CFAP58: variants seen among roughly 807,000 people sequenced by gnomAD.
The protein encoded by CFAP58 is cilia and flagella associated protein 58.
Under a neutral mutation model 119.5 loss-of-function variants are expected in CFAP58, and 88 were observed. The observed-to-expected ratio is 0.74, with a 90% CI of 0.62 to 0.88. CFAP58 has a LOEUF of 0.88. Ranked by LOEUF, CFAP58 falls within the 40% of genes least tolerant of loss-of-function variation. The probability of loss-of-function intolerance (pLI) is 0.00; values close to 1 mark genes in which losing one functional copy is unlikely to be tolerated. For missense variants in CFAP58, 990 were observed against 1,021.2 expected, an observed-to-expected ratio of 0.97 and a Z score of 0.42; for synonymous variants, 365 against 366.3, an observed-to-expected ratio of 1.00 and a Z score of 0.04.
At chr10:104,392,457 C>T (rs1329892377) in intron 10 of CFAP58, 63 bp downstream of exon 10, 4 of 1,207,708 alleles carry the variant, frequency 3.3e-6, no homozygotes, top group Non-Finnish European at 4.6e-6. Flanking sequence ...AAAACAGTTT[C>T]TGTTATCCTA....
At chr10:104,453,536 C>T (rs887842402) in intron 17 of CFAP58, among the ~76,000 whole-genome samples, 2 of 152,222 alleles carry the variant, frequency 1.3e-5, no homozygotes, top group African/African-American at 2.4e-5. Flanking sequence ...CCCTACTCCA[C>T]ATCCCCAGGC....
intron 9 of CFAP58, among the ~76,000 whole-genome samples, chr10:104,385,855 G>A (rs2133021354): frequency 6.6e-6 from 1 of 152,282 alleles, no homozygotes; most frequent in East Asian, 1.9e-4. Context: ...ACTTGCCCTA[G>A]AGGAAAGCCC....
In CFAP58 at chr10:104,426,332, C is replaced by T. The variant is rs142243809; in HGVS notation, c.2256+19539C>T. ...AGGAGAGTCAAAGGTGGCTTTCGGT[C>T]TTTCCTCCTGGTCAGTGATAACTCC... On this transcript the variant is annotated intron_variant, in intron 15 of 17. Coordinates refer to ENST00000369704, the MANE Select transcript of CFAP58 (RefSeq NM_001008723.2). Among the ~76,000 whole-genome samples, 687 of 152,260 alleles carry T rather than the reference C, an allele frequency of 4.5e-3. 1 individual carries two copies. The highest frequency in any genetic ancestry group is 0.037 in the Middle Eastern group (11 of 294).
At chr10:104,349,348 G>T (rs181325500), upstream of CFAP58, among the ~76,000 whole-genome samples, 2,305 of 152,122 alleles carry the variant, frequency 0.015, 35 homozygotes, top group Non-Finnish European at 0.021. Context: ...CAAAGTGTCA[G>T]CAGGTTTGAA....
chr10:104,342,215 T>C, the CFAP58 span, among the ~76,000 whole-genome samples: 1 of 152,232 alleles, frequency 6.6e-6, no homozygotes. Flanking sequence ...TTGAACTATT[T>C]CCCATAGTAT....
intron 11 of CFAP58, among the ~76,000 whole-genome samples, chr10:104,396,567 T>C (rs1158159575): frequency 6.6e-6 from 1 of 152,224 alleles, no homozygotes; most frequent in African/African-American, 2.4e-5. Flanking sequence ...CGTGTTGAGA[T>C]CATGTATGAA....
intron 3 of CFAP58, among the ~76,000 whole-genome samples, chr10:104,364,426 A>C (rs1564879313): frequency 1.1e-5 from 1 of 88,832 alleles, no homozygotes; most frequent in Non-Finnish European, 2.3e-5. Flanking sequence ...AATGTCTGTA[A>C]AACACACACA....
chr10:104,414,098 G>A (rs1186730107), intron 15 of CFAP58, among the ~76,000 whole-genome samples: 2 of 152,156 alleles, frequency 1.3e-5, no homozygotes, highest in African/African-American at 4.8e-5. Context: ...CACGTGGTGG[G>A]CTATGGGCCC....
At chr10:104,413,153 T>A (rs1337845447) in intron 15 of CFAP58, among the ~76,000 whole-genome samples, 1 of 152,254 alleles carries the variant, frequency 6.6e-6, no homozygotes, top group Non-Finnish European at 1.5e-5. Flanking sequence ...AGATTTGTGG[T>A]CCTTCAGAAA....
chr10:104,374,342 A>C (rs760928341), intron 7 of CFAP58, among the ~76,000 whole-genome samples: 1 of 151,128 alleles, frequency 6.6e-6, no homozygotes, highest in Non-Finnish European at 1.5e-5. Flanking sequence ...GGGCATGGTG[A>C]CACACGCCTG....
intron 1 of CFAP58, among the ~76,000 whole-genome samples, chr10:104,357,354 T>A (rs2135241409): frequency 6.6e-6 from 1 of 152,340 alleles, no homozygotes; most frequent in Middle Eastern, 3.4e-3. Flanking sequence ...TGACCTAGCC[T>A]ACATTTCTAA....
At chr10:104,451,687 C>G (rs1352323216) in intron 17 of CFAP58, among the ~76,000 whole-genome samples, 1 of 152,196 alleles carries the variant, frequency 6.6e-6, no homozygotes, top group Non-Finnish European at 1.5e-5. Context: ...CCACATGAAG[C>G]AGGTGTCTAA....
In CFAP58 at chr10:104,406,787, C is replaced by T. The variant is rs948226123; in HGVS notation, c.2250C>T (p.Leu750=). The T allele has an allele frequency of 6.2e-7, 1 of 1,613,808 alleles. No individual in the cohort carries two copies. The highest frequency in any genetic ancestry group is 8.5e-7 in the Non-Finnish European group (1 of 1,179,674). ...KTEEVVEKEL[L]LQEKEKLYME... is the part of the protein sequence containing the mutation. The stretch of plus-strand genomic sequence containing the variant: ...AAGAGGTGGTTGAAAAAGAGCTGCT[C>T]CTCCAGGTAGCATTTTTGTTTTCTG... Residue 750 remains leucine, a synonymous_variant, in exon 15 of 18, where the codon CTC becomes CTT. Coordinates refer to ENST00000369704, the MANE Select transcript of CFAP58 (RefSeq NM_001008723.2).
intron 15 of CFAP58, among the ~76,000 whole-genome samples, chr10:104,427,844 G>A (rs2012774716): frequency 6.6e-6 from 1 of 152,140 alleles, no homozygotes; most frequent in Admixed American, 6.5e-5. Flanking sequence ...TATGGAGGTG[G>A]GGTGTGAAGA....
At chr10:104,346,937 A>T in the CFAP58 span, among the ~76,000 whole-genome samples, 1 of 151,830 alleles carries the variant, frequency 6.6e-6, no homozygotes, top group Non-Finnish European at 1.5e-5. Context: ...CGCTTGACCC[A>T]CTTAAGCTTT....
chr10:104,358,086 C>CATATAT (rs2014615944), intron 1 of CFAP58, among the ~76,000 whole-genome samples: 1 of 136,904 alleles, frequency 7.3e-6, no homozygotes, highest in Admixed American at 7.6e-5. Flanking sequence ...CATATATATA[C>CATATAT]ACACATATAT....
chr10:104,358,220 A>G (rs1368255558), intron 1 of CFAP58, 121 bp from the exon 2 acceptor site: 2 of 936,620 alleles, frequency 2.1e-6, no homozygotes, highest in South Asian at 1.8e-5. Flanking sequence ...TTTTCTGCTT[A>G]TCAGTGGTTT....
At chr10:104,443,841 G>C (rs965060447) in intron 15 of CFAP58, among the ~76,000 whole-genome samples, 1 of 152,162 alleles carries the variant, frequency 6.6e-6, no homozygotes, top group African/African-American at 2.4e-5. Context: ...TGTAATAACA[G>C]CATTACTGGA....
chr10:104,386,097 G>T (rs1413102687), intron 9 of CFAP58, among the ~76,000 whole-genome samples: 1 of 150,514 alleles, frequency 6.6e-6, no homozygotes, highest in Non-Finnish European at 1.5e-5. Context: ...AAATGGATGG[G>T]CTGGGCATGG....
Sources: gnomAD v4.1 joint callset for allele counts (sites outside exome capture counted in the v4.1 genomes callset) on GRCh38, gnomAD v4.1.1 for gene constraint, MANE v1.5 for transcripts, NCBI Gene and HGNC (gene_info 2026-07-23, HGNC 2026-07-21) for gene names.